Variants in CHST8 observed in about 807,000 individuals in gnomAD.
The protein encoded by CHST8 is GALNAC-4-ST1.
A neutral mutation model predicts 15.0 loss-of-function variants in CHST8; 10 were observed. The observed-to-expected ratio is 0.67, with a 90% CI of 0.41 to 1.13. The LOEUF (loss-of-function observed/expected upper bound fraction) is 1.13. Among genes scored for constraint, CHST8 ranks in the 50% most tolerant of loss-of-function variants. CHST8 has a pLI of 0.00. For synonymous variants in CHST8, 259 were observed against 256.6 expected, an observed-to-expected ratio of 1.01 and a Z score of -0.09; for missense variants, 634 against 608.2, an observed-to-expected ratio of 1.04 and a Z score of -0.45.
chr19:33,764,793 T>A (rs1371687222), intron 3 of CHST8, among the ~76,000 whole-genome samples: 3 of 152,130 alleles, frequency 2.0e-5, no homozygotes, highest in Admixed American at 2.0e-4. Context: ...TACCCATAAC[T>A]GGAGCAGTGT....
chr19:33,655,612 ACTT>A (rs1292766677), intron 1 of CHST8, among the ~76,000 whole-genome samples: 2 of 152,092 alleles, frequency 1.3e-5, no homozygotes, highest in African/African-American at 4.8e-5. Context: ...CAGCTTCTCT[ACTT>A]CTTAAATCAG....
intron 3 of CHST8, among the ~76,000 whole-genome samples, chr19:33,728,215 C>T (rs1248651534): frequency 6.6e-6 from 1 of 152,264 alleles, no homozygotes; most frequent in Non-Finnish European, 1.5e-5. Context: ...TGTTTTCTTG[C>T]ACAAATTCAG....
chr19:33,724,442 A>G (rs1599588211), intron 3 of CHST8, among the ~76,000 whole-genome samples: 1 of 152,206 alleles, frequency 6.6e-6, no homozygotes, highest in African/African-American at 2.4e-5. Flanking sequence ...GGCTCAGCCA[A>G]GGAGCCGTAA....
chr19:33,712,745 G>T lies in CHST8; in HGVS notation c.130+23354G>T, dbSNP rs1019074500. Among the ~76,000 whole-genome samples the T allele has an allele frequency of 1.6e-4, 25 of 152,266 alleles. 1 individual carries two copies. The South Asian group carries it at 2.1e-3, about 13-fold the overall frequency. On this transcript the variant is annotated intron_variant, in intron 3 of 4. Coordinates refer to ENST00000650847, the MANE Select transcript of CHST8 (RefSeq NM_001127895.2). ...AGCACTCCCTCTATCCTGAGTAGGGGCTGACCCAAGCCAAGTGAGTTGAGG... is the reference window on the plus strand; with the variant it reads ...AGCACTCCCTCTATCCTGAGTAGGGTCTGACCCAAGCCAAGTGAGTTGAGG...
Position 33,757,472 on chromosome 19 carries a change from A to G in CHST8, c.131-13941A>G, listed in dbSNP as rs1460009452. Among the ~76,000 whole-genome samples, 62 of 45,400 alleles carry G rather than the reference A, an allele frequency of 1.4e-3. 3 individuals are homozygous for G. The highest frequency in any genetic ancestry group is 1.9e-3 in the Non-Finnish European group (43 of 22,118). The allele number at this position is 45,400 out of a possible 152,430, so 29.8% of individuals were successfully genotyped here. ...AAAGAAAGAAAGAAAGAAAGAAAGA[A>G]AGAAAGAAAGAAAGAAAGAAAGAAA... On this transcript the variant is annotated intron_variant, in intron 3 of 4. Transcript: ENST00000650847.
chr19:33,711,412 T>C (rs559853598), intron 3 of CHST8, among the ~76,000 whole-genome samples: 26 of 152,272 alleles, frequency 1.7e-4, no homozygotes, highest in Non-Finnish European at 3.1e-4. Flanking sequence ...TGGTGGAGTA[T>C]GTTGGGACAA....
intron 2 of CHST8, among the ~76,000 whole-genome samples, chr19:33,674,422 ATTACGGCTCCCAT>A (rs1299643839): frequency 6.6e-6 from 1 of 152,192 alleles, no homozygotes; most frequent in Non-Finnish European, 1.5e-5. Flanking sequence ...GAAATTTTTA[ATTACGGCTCCCAT>A]GCCTGGCTTA....
intron 1 of CHST8, among the ~76,000 whole-genome samples, chr19:33,649,582 G>A (rs575312630): frequency 2.6e-5 from 4 of 152,250 alleles, no homozygotes; most frequent in East Asian, 3.9e-4. Flanking sequence ...GGGTCTGGAC[G>A]CATACATACT....
At chr19:33,718,002 A>G (rs1973694318) in intron 3 of CHST8, among the ~76,000 whole-genome samples, 1 of 152,136 alleles carries the variant, frequency 6.6e-6, no homozygotes, top group African/African-American at 2.4e-5. Flanking sequence ...CCATCCTGGC[A>G]GAAGACCCCC....
rs549094266 is a variant in CHST8 at position 33,719,520 on chromosome 19, C to A, written c.130+30129C>A. Reference sequence around the variant, plus strand: ...TGGGGAGTTGCTGAAAATGAGTGTTCCCTGGAGAGTGGCAACCATCCCTGG... The same window carrying A: ...TGGGGAGTTGCTGAAAATGAGTGTTACCTGGAGAGTGGCAACCATCCCTGG... On this transcript the variant is annotated intron_variant, in intron 3 of 4. Transcript: ENST00000650847. Among the ~76,000 whole-genome samples the A allele has an allele frequency of 5.3e-5, 8 of 152,076 alleles. No homozygotes were observed. The South Asian group carries it at 1.5e-3, about 28-fold the overall frequency.
At chr19:33,705,410 G>A (rs1973427530) in intron 3 of CHST8, among the ~76,000 whole-genome samples, 1 of 152,216 alleles carries the variant, frequency 6.6e-6, no homozygotes. Flanking sequence ...GGTCAGCAGA[G>A]ATACAGGGAA....
chr19:33,674,615 C>G (rs927508491), intron 2 of CHST8, among the ~76,000 whole-genome samples: 1 of 152,098 alleles, frequency 6.6e-6, no homozygotes, highest in Non-Finnish European at 1.5e-5. Context: ...GAGTGATGCA[C>G]CCTGAGGCGG....
intron 3 of CHST8, among the ~76,000 whole-genome samples, chr19:33,690,288 G>C (rs578219549): frequency 6.6e-6 from 1 of 152,300 alleles, no homozygotes; most frequent in African/African-American, 2.4e-5. Context: ...TCTCTTGCTT[G>C]CTCAGTGCTG....
At chr19:33,754,978 G>T (rs916593079) in intron 3 of CHST8, among the ~76,000 whole-genome samples, 1 of 152,178 alleles carries the variant, frequency 6.6e-6, no homozygotes, top group African/African-American at 2.4e-5. Flanking sequence ...TCCTTCTTCC[G>T]AGCAGCTCAG....
rs149536060 is a variant in CHST8 at position 33,661,058 on chromosome 19, C to T, written c.-163-6709C>T. 4.1e-3 allele frequency among the ~76,000 whole-genome samples: 623 copies of T among 152,236 alleles called. 1 individual carries two copies. The highest frequency in any genetic ancestry group is 0.013 in the African/African-American group (538 of 41,542). On this transcript the variant is annotated intron_variant, in intron 1 of 4. Coordinates refer to ENST00000650847, the MANE Select transcript of CHST8 (RefSeq NM_001127895.2). Reference sequence around the variant, plus strand: ...TATGCCCCCTCTTGTCTGCGAGGCACGGGGACTTGGTGCACTGACCGGCTT... The same window carrying T: ...TATGCCCCCTCTTGTCTGCGAGGCATGGGGACTTGGTGCACTGACCGGCTT...
chr19:33,666,698 T>TTTTC lies in CHST8; in HGVS notation c.-163-1053_-163-1050dup, dbSNP rs553813561. Among the ~76,000 whole-genome samples, 51 of 152,174 alleles carry TTTTC rather than the reference T, an allele frequency of 3.4e-4. 1 individual carries two copies. The highest frequency in any genetic ancestry group is 3.0e-3 in the Admixed American group (46 of 15,284). On this transcript the variant is annotated intron_variant, in intron 1 of 4. Transcript: ENST00000650847. ...AGTAGTTGTTAAGTGGTATTTTTCT[T>TTTTC]TTTCTTTCTTTCTTTCTTTTTTGAG...
At chr19:33,663,528 G>A (rs748057233) in intron 1 of CHST8, among the ~76,000 whole-genome samples, 6 of 152,198 alleles carry the variant, frequency 3.9e-5, no homozygotes, top group Non-Finnish European at 5.9e-5. Context: ...TGGCACCACT[G>A]CCTCCGGCCT....
intron 2 of CHST8, among the ~76,000 whole-genome samples, chr19:33,686,062 G>A (rs534831207): frequency 2.6e-5 from 4 of 152,272 alleles, no homozygotes; most frequent in Admixed American, 2.0e-4. Flanking sequence ...CAGAGCTGAG[G>A]GTCCCAGAGG....
At chr19:33,696,761 G>A (rs1973224690) in intron 3 of CHST8, among the ~76,000 whole-genome samples, 1 of 151,882 alleles carries the variant, frequency 6.6e-6, no homozygotes, top group Admixed American at 6.6e-5. Flanking sequence ...TTCCCATAGT[G>A]GTTGTACTAA....
Sources: allele counts gnomAD v4.1 joint callset (sites outside exome capture counted in the v4.1 genomes callset), GRCh38; gene constraint gnomAD v4.1.1; transcripts MANE v1.5; gene names NCBI Gene and HGNC (gene_info 2026-07-23, HGNC 2026-07-21).